Variants in GPM6B observed in about 807,000 individuals in gnomAD.
The protein encoded by GPM6B is neuronal membrane glycoprotein M6-b.
GPM6B carries 4 observed loss-of-function variants against 27.2 expected under a neutral mutation model. The observed-to-expected ratio is 0.15, with a 90% CI of 0.07 to 0.34. GPM6B has a LOEUF of 0.34. GPM6B is among the 10% of genes least tolerant of loss of function. GPM6B has a pLI of 1.00. For missense variants in GPM6B, 183 were observed against 261.9 expected (o/e 0.70, Z 2.08); for synonymous variants, 124 against 103.1 (o/e 1.20, Z -1.23).
chrX:13,890,222 T>C (rs2050176465), intron 1 of GPM6B, among the ~76,000 whole-genome samples: 1 of 111,448 alleles, frequency 9.0e-6, no homozygotes, highest in African/African-American at 3.3e-5. Context: ...CCTCTGGTTG[T>C]CCTCACTGCT....
In GPM6B at chrX:13,785,145, A is replaced by T. The variant is rs1259337654; in HGVS notation, c.368+477T>A. Among the ~76,000 whole-genome samples, 4 of 111,775 alleles carry T rather than the reference A, an allele frequency of 3.6e-5. No individual in the cohort carries two copies. The East Asian group carries it at 1.1e-3, about 31-fold the overall frequency. On this transcript the variant is annotated intron_variant, in intron 3 of 7. Coordinates refer to ENST00000316715, the MANE Select transcript of GPM6B (RefSeq NM_001001995.3). ...GGGGCCTAAACAGCTACCATATTCT[A>T]GGCCCTTTCTTTTTCCTTCTCTCAT...
intron 1 of GPM6B, among the ~76,000 whole-genome samples, chrX:13,923,979 C>T (rs924817226): frequency 8.9e-6 from 1 of 112,396 alleles, no homozygotes; most frequent in Non-Finnish European, 1.9e-5. Flanking sequence ...GGGCATTTTA[C>T]CTCCACTGAG....
intron 2 of GPM6B, among the ~76,000 whole-genome samples, chrX:13,797,948 A>C (rs764583512): frequency 9.0e-6 from 1 of 111,359 alleles, no homozygotes; most frequent in South Asian, 3.9e-4. Flanking sequence ...ACTAATCCAC[A>C]GAGAAGGAGA....
chrX:13,900,723 A>G (rs2050275120), intron 1 of GPM6B, among the ~76,000 whole-genome samples: 1 of 111,884 alleles, frequency 8.9e-6, no homozygotes, highest in Non-Finnish European at 1.9e-5. Context: ...TAACTTTTAA[A>G]TCTTGGATAG....
chrX:13,788,080 G>A (rs962449739), intron 2 of GPM6B, among the ~76,000 whole-genome samples: 6 of 112,125 alleles, frequency 5.4e-5, no homozygotes, highest in Non-Finnish European at 5.6e-5. Flanking sequence ...AGTGGCTACC[G>A]TATTGGACAA....
chrX:13,852,240 T>G (rs1285764374), intron 1 of GPM6B, among the ~76,000 whole-genome samples: 1 of 111,726 alleles, frequency 9.0e-6, no homozygotes, highest in African/African-American at 3.3e-5. Context: ...CCAAGATTTT[T>G]TTATTTACAA....
In GPM6B at chrX:13,873,590, G is replaced by A. The variant is rs183541183; in HGVS notation, c.-198+64737C>T. Among the ~76,000 whole-genome samples, 6 of 111,835 alleles carry A rather than the reference G, an allele frequency of 5.4e-5. No individual in the cohort carries two copies. The East Asian group carries it at 1.4e-3, about 26-fold the overall frequency. Reference sequence around the variant, plus strand: ...TGCAAATTTAATCTCAATTTTAAAAGAGGGATGACTACATCAACTTTGTAG... The same window carrying A: ...TGCAAATTTAATCTCAATTTTAAAAAAGGGATGACTACATCAACTTTGTAG... On this transcript the variant is annotated intron_variant, in intron 1 of 6. Coordinates refer to the GPM6B transcript ENST00000398361.
chrX:13,825,062 G>GAC (rs2049356590), intron 1 of GPM6B, among the ~76,000 whole-genome samples: 1 of 111,536 alleles, frequency 9.0e-6, no homozygotes, highest in South Asian at 3.8e-4. Flanking sequence ...TTCTTATAAG[G>GAC]ACACCAGTCA....
chrX:13,929,891 T>C (rs1921400020), intron 1 of GPM6B, among the ~76,000 whole-genome samples: 3 of 112,076 alleles, frequency 2.7e-5, no homozygotes, highest in African/African-American at 9.7e-5. Flanking sequence ...TTTTAGTATC[T>C]ATCTCCAGTT....
At chrX:13,816,659 A>G (rs1266364649) in intron 1 of GPM6B, among the ~76,000 whole-genome samples, 185 bp downstream of exon 1, 2 of 111,556 alleles carry the variant, frequency 1.8e-5, no homozygotes, top group East Asian at 5.6e-4. Flanking sequence ...ACAGGAATGG[A>G]TTGAAGAAAG....
intron 2 of GPM6B, among the ~76,000 whole-genome samples, chrX:13,795,623 T>G (rs1411021722): frequency 8.9e-6 from 1 of 112,025 alleles, no homozygotes; most frequent in Non-Finnish European, 1.9e-5. Flanking sequence ...TATTATTTTC[T>G]TTTTGAAAAT....
At chrX:13,850,646 T>G (rs1455330785) in intron 1 of GPM6B, among the ~76,000 whole-genome samples, 3 of 111,477 alleles carry the variant, frequency 2.7e-5, no homozygotes, top group African/African-American at 9.8e-5. Flanking sequence ...TACATGTGAG[T>G]ATGGGCAATA....
At chrX:13,840,741 C>T (rs1400762663) in intron 1 of GPM6B, among the ~76,000 whole-genome samples, 3 of 111,788 alleles carry the variant, frequency 2.7e-5, no homozygotes, top group Admixed American at 9.4e-5. Context: ...CGGCTCCAAA[C>T]TCTCAATTCT....
At chrX:13,827,906 G>A (rs887776554) in intron 1 of GPM6B, among the ~76,000 whole-genome samples, 2 of 111,448 alleles carry the variant, frequency 1.8e-5, no homozygotes, top group African/African-American at 3.3e-5. Context: ...AGGAGTTGAC[G>A]TCATCTTTCC....
At chrX:13,909,614 G>A (rs1203148857) in intron 1 of GPM6B, among the ~76,000 whole-genome samples, 1 of 111,103 alleles carries the variant, frequency 9.0e-6, no homozygotes, top group African/African-American at 3.3e-5. Context: ...CTGACTATGG[G>A]CCAGGTATTA....
At chrX:13,827,271 CTTTTTTTTT>C (rs1173680918) in intron 1 of GPM6B, among the ~76,000 whole-genome samples, 34 of 73,649 alleles carry the variant, frequency 4.6e-4, no homozygotes, top group African/African-American at 1.5e-3. Context: ...TACCGACTTC[CTTTTTTTTT>C]TTTTTTTTTT....
chrX:13,799,829 T>C (rs1456486137), intron 2 of GPM6B, among the ~76,000 whole-genome samples: 1 of 110,873 alleles, frequency 9.0e-6, no homozygotes, highest in Non-Finnish European at 1.9e-5. Flanking sequence ...TTTGAGAAAG[T>C]GAAGAGGTTA....
chrX:13,817,575 G>A (rs113643229), upstream of GPM6B, among the ~76,000 whole-genome samples: 1 of 111,697 alleles, frequency 9.0e-6, no homozygotes, highest in Non-Finnish European at 1.9e-5. Context: ...TTTACCCCTC[G>A]ACCCTGGCAA....
intron 1 of GPM6B, among the ~76,000 whole-genome samples, chrX:13,901,426 G>GT (rs1295056461): frequency 1.4e-3 from 85 of 61,372 alleles, no homozygotes; most frequent in Middle Eastern, 7.1e-3. Flanking sequence ...CCACTTCCTT[G>GT]TTTTTTTTTT....
Sources: allele counts gnomAD v4.1 joint callset (sites outside exome capture counted in the v4.1 genomes callset), GRCh38; gene constraint gnomAD v4.1.1; transcripts MANE v1.5; gene names NCBI Gene and HGNC (gene_info 2026-07-23, HGNC 2026-07-21).